Variants in SYNE1 observed in about 807,000 individuals in gnomAD.
SYNE1 encodes nesprin-1.
SYNE1 carries 616 observed loss-of-function variants against 1,111.0 expected under a neutral mutation model. The ratio of observed to expected loss-of-function variants is 0.55; its 90% CI spans 0.52 to 0.59. SYNE1 has a LOEUF of 0.59. Among genes scored for constraint, SYNE1 ranks in the 20% least tolerant of loss-of-function variants. The pLI is 0.00. For synonymous variants in SYNE1, 3,855 were observed against 3,825.8 expected, an observed-to-expected ratio of 1.01 and a Z score of -0.28; for missense variants, 10,006 against 10,417.0, an observed-to-expected ratio of 0.96 and a Z score of 1.72.
intron 8 of SYNE1, among the ~76,000 whole-genome samples, chr6:152,506,643 G>C (rs1490989390): frequency 2.0e-5 from 3 of 151,966 alleles, no homozygotes; most frequent in Non-Finnish European, 4.4e-5. Flanking sequence ...CCAGGCTCAA[G>C]GGATTCTTGC....
intron 74 of SYNE1, among the ~76,000 whole-genome samples, chr6:152,342,065 T>A (rs1348427388): frequency 6.6e-6 from 1 of 152,190 alleles, no homozygotes; most frequent in African/African-American, 2.4e-5. Context: ...CACCTCGAAC[T>A]CCCTTCTCTG....
chr6:152,361,614 C>T (rs975225718), intron 64 of SYNE1, among the ~76,000 whole-genome samples: 4 of 152,064 alleles, frequency 2.6e-5, no homozygotes, highest in African/African-American at 9.7e-5. Context: ...ATCACAAGTG[C>T]TGTTTAGGAT....
Position 152,425,465 on chromosome 6 carries a change from G to C in SYNE1, c.5183C>G (p.Ser1728Cys), listed in dbSNP as rs1261751377. ...QLKESLFSVA[S>C]KDDVKMMKLH... ...TTTCATCATTTTCACATCATCTTTG[G>C]AGGCTACTGAGAACAATGATTCCTT... is the stretch of plus-strand genomic sequence containing the variant. Residue 1728 changes from serine to cysteine, a missense_variant, in exon 39 of 146, where the codon TCC (serine) becomes TGC (cysteine). By Grantham distance (112) the Ser-to-Cys change is moderately radical. Transcript: ENST00000367255. 6.2e-7 allele frequency: 1 copy of C among 1,613,918 alleles called. No homozygotes were observed. The highest frequency in any genetic ancestry group is 8.5e-7 in the Non-Finnish European group (1 of 1,180,010).
chr6:152,348,487 C>A (rs2096680292), intron 72 of SYNE1, among the ~76,000 whole-genome samples: 1 of 152,124 alleles, frequency 6.6e-6, no homozygotes, highest in African/African-American at 2.4e-5. Flanking sequence ...GAGTTAGAGA[C>A]CAGCCTGGCC....
intron 53 of SYNE1, among the ~76,000 whole-genome samples, 158 bp downstream of exon 53, chr6:152,390,122 A>T (rs553626869): frequency 6.6e-6 from 1 of 152,346 alleles, no homozygotes; most frequent in South Asian, 2.1e-4. Context: ...AAAACCAGTC[A>T]TCGCCCTATG....
At chr6:152,456,404 C>T (rs980016238) in intron 22 of SYNE1, among the ~76,000 whole-genome samples, 6 of 151,808 alleles carry the variant, frequency 4.0e-5, no homozygotes, top group Non-Finnish European at 8.8e-5. Flanking sequence ...AGAGAACAAT[C>T]ATGAAATCAA....
chr6:152,360,869 A>T (rs1245836644), intron 64 of SYNE1, among the ~76,000 whole-genome samples: 2 of 152,244 alleles, frequency 1.3e-5, no homozygotes, highest in Non-Finnish European at 2.9e-5. Flanking sequence ...TCATTTAAAT[A>T]ACTTTTATTC....
At chr6:152,125,162 A>T (rs1023505744) in intron 145 of SYNE1, 1 of 1,372,706 alleles carries the variant, frequency 7.3e-7, no homozygotes, top group Non-Finnish European at 9.8e-7. Context: ...GCAGGGACTC[A>T]GGCTTCCAAA....
chr6:152,354,668 A>C lies in SYNE1; in HGVS notation c.10917T>G (p.His3639Gln), dbSNP rs770917459. ...TCTACATGAGTTGTACCTTCATCTG[A>C]TGTAATTGTATCTCCTTGGTTGCCC... ...SNRATKEIQLHQMKKWHEEVT... is the reference protein window; with the variant it reads ...SNRATKEIQLQQMKKWHEEVT... Residue 3639 changes from histidine (H) to glutamine (Q), a missense_variant, in exon 67 of 146, where the codon CAT (histidine) becomes CAG (glutamine). Around this residue, in one of 7 missense-constraint regions of SYNE1, gnomAD observed 4,955 missense variants for 5,017.2 expected, o/e 0.99. Transcript: ENST00000367255. The C allele has an allele frequency of 1.9e-6, 3 of 1,614,158 alleles. No homozygotes were observed. In the South Asian group the frequency reaches 3.3e-5, roughly 18 times the overall value.
intron 6 of SYNE1, among the ~76,000 whole-genome samples, chr6:152,513,483 G>T (rs189575517): frequency 6.6e-6 from 1 of 151,980 alleles, no homozygotes; most frequent in Non-Finnish European, 1.5e-5. Flanking sequence ...ACAGGCATGC[G>T]CCACCACACC....
intron 3 of SYNE1, among the ~76,000 whole-genome samples, chr6:152,621,382 A>C (rs1527367): frequency 6.6e-6 from 1 of 151,964 alleles, no homozygotes; most frequent in African/African-American, 2.4e-5. Context: ...GGAGGTAACA[A>C]GATATAGAGG....
intron 110 of SYNE1, among the ~76,000 whole-genome samples, chr6:152,235,536 T>G (rs1440282861): frequency 1.3e-5 from 2 of 152,074 alleles, no homozygotes; most frequent in Non-Finnish European, 2.9e-5. Flanking sequence ...TAATTTTGTA[T>G]TTTTAGTAGA....
rs768490565 is a variant in SYNE1 at position 152,334,146 on chromosome 6, A to T, written c.12656T>A (p.Leu4219His). Residue 4219 changes from leucine (L) to histidine (H), a missense_variant, in exon 77 of 146, where the codon CTC becomes CAC. Leu to His is a moderately conservative substitution (Grantham distance 99). Around this residue, in one of 7 missense-constraint regions of SYNE1, gnomAD observed 4,955 missense variants for 5,017.2 expected, o/e 0.99. Coordinates refer to ENST00000367255, the MANE Select transcript of SYNE1 (RefSeq NM_182961.4). ...GTTGTTAGACTGACGGCACAAATCG[A>T]GCCACTGATCATTTAAATGATTTAT... ...KEINHLNDQW[L>H]DLCRQSNNLC... 1 of 1,614,116 alleles carries T rather than the reference A, an allele frequency of 6.2e-7. No individual in the cohort carries two copies. The highest frequency in any genetic ancestry group is 8.5e-7 in the Non-Finnish European group (1 of 1,180,006).
intron 3 of SYNE1, among the ~76,000 whole-genome samples, chr6:152,609,576 G>A (rs1727058): frequency 0.72 from 108,811 of 152,050 alleles, 39,031 homozygotes; most frequent in East Asian, 0.81. Flanking sequence ...GACAGCTTCT[G>A]CAGACTTAAA....
At chr6:152,298,855 C>G (rs945141039) in intron 93 of SYNE1, among the ~76,000 whole-genome samples, 1 of 152,190 alleles carries the variant, frequency 6.6e-6, no homozygotes, top group Admixed American at 6.5e-5. Context: ...TAATACATTT[C>G]CTTTTTAACA....
intron 3 of SYNE1, among the ~76,000 whole-genome samples, chr6:152,566,572 T>G (rs556632857): frequency 2.7e-4 from 41 of 152,136 alleles, no homozygotes; most frequent in Non-Finnish European, 5.1e-4. Context: ...AAAGAGCATT[T>G]TTGGCACAAA....
intron 127 of SYNE1, among the ~76,000 whole-genome samples, chr6:152,190,050 T>C (rs1303802579): frequency 6.6e-6 from 1 of 152,228 alleles, no homozygotes; most frequent in African/African-American, 2.4e-5. Flanking sequence ...ATACTTGAAA[T>C]CCTTTGTTGT....
At chr6:152,268,711 A>G (rs1261082471) in intron 99 of SYNE1, among the ~76,000 whole-genome samples, 2 of 152,232 alleles carry the variant, frequency 1.3e-5, no homozygotes, top group Non-Finnish European at 2.9e-5. Flanking sequence ...TCACTAGGCA[A>G]CAATTAGCAA....
Position 152,164,305 on chromosome 6 carries a change from G to C in SYNE1, c.23648C>G (p.Thr7883Ser), listed in dbSNP as rs1188174644. ...ATCAAGCTGCTGCACGGCTACCAGG[G>C]TCTCCTTCAGCTTCTTCACCCTGTG... The part of the protein sequence containing the change: ...IAARVKKLKE[T>S]LVAVQQLDKN... Residue 7883 changes from threonine to serine, a missense_variant, in exon 131 of 146, where the codon ACC becomes AGC. This residue lies in a region of SYNE1 where 2,182 missense variants were observed against 2,287.8 expected (regional missense o/e 0.95). Coordinates refer to ENST00000367255, the MANE Select transcript of SYNE1 (RefSeq NM_182961.4). 1 of 1,614,006 alleles carries C rather than the reference G, an allele frequency of 6.2e-7. No homozygotes were observed. Among genetic ancestry groups the C allele is most frequent in the Admixed American group, 1.7e-5 (1 of 60,004 alleles).
Sources: gnomAD v4.1 joint callset for allele counts (sites outside exome capture counted in the v4.1 genomes callset) on GRCh38, gnomAD v4.1.1 for gene constraint, gnomAD v4.1.1 regional missense constraint, MANE v1.5 for transcripts, NCBI Gene and HGNC (gene_info 2026-07-23, HGNC 2026-07-21) for gene names.